Variants in TMEM132D observed in about 807,000 individuals in gnomAD.
The protein encoded by TMEM132D is mature OL transmembrane protein.
A neutral mutation model predicts 62.3 loss-of-function variants in TMEM132D; 21 were observed. That is an observed-to-expected ratio of 0.34 (90% CI 0.24 to 0.49). TMEM132D has a LOEUF of 0.49. TMEM132D is among the 20% of genes least tolerant of loss of function. The pLI, the probability that TMEM132D is intolerant of heterozygous loss-of-function variation, is 0.99. For missense variants in TMEM132D, 1,346 were observed against 1,402.8 expected (o/e 0.96, Z 0.65); for synonymous variants, 621 against 575.6 (o/e 1.08, Z -1.13).
chr12:129,784,562 A>T (rs1183719238), intron 1 of TMEM132D, among the ~76,000 whole-genome samples: 1 of 152,254 alleles, frequency 6.6e-6, no homozygotes, highest in African/African-American at 2.4e-5. Flanking sequence ...TGTGCTGGCC[A>T]TATGTATAAA....
In TMEM132D at chr12:129,420,306, G is replaced by GTTTTTTTTTTTTTTTTTTTTTT. The variant is rs71082709; in HGVS notation, c.1116-82511_1116-82490dup. ...AATTTCAAATTATTGCACGTTCTCT[G>GTTTTTTTTTTTTTTTTTTTTTT]TTTTTTTTTTTTTTTTTTTTTTTTG... On this transcript the variant is annotated intron_variant, in intron 3 of 8. Transcript: ENST00000422113. Among the ~76,000 whole-genome samples, 14 of 112,296 alleles carry GTTTTTTTTTTTTTTTTTTTTTT rather than the reference G, an allele frequency of 1.2e-4. 1 individual carries two copies. Among genetic ancestry groups the GTTTTTTTTTTTTTTTTTTTTTT allele is most frequent in the East Asian group, 7.1e-4 (2 of 2,812 alleles). 73.7% of individuals were successfully genotyped at this position (112,296 alleles called of 152,430 possible).
intron 3 of TMEM132D, among the ~76,000 whole-genome samples, chr12:129,514,321 T>C (rs956117621): frequency 6.6e-5 from 10 of 152,314 alleles, no homozygotes; most frequent in African/African-American, 2.2e-4. Context: ...AATAAACTAG[T>C]TGGAGCTGGA....
chr12:129,828,921 G>A lies in TMEM132D; in HGVS notation c.79+74340C>T, dbSNP rs1168465056. ...TCTATCCCAGAGCCATCTGCACCTT[G>A]CCTGTGAAAGAGGTGGAAGGGTATA... On this transcript the variant is annotated intron_variant, in intron 1 of 8. Transcript: ENST00000422113. Among the ~76,000 whole-genome samples, 3 of 151,732 alleles carry A rather than the reference G, an allele frequency of 2.0e-5. No individual in the cohort carries two copies. The East Asian group carries it at 5.9e-4, about 30-fold the overall frequency.
chr12:129,788,932 G>A (rs1288893074), intron 1 of TMEM132D, among the ~76,000 whole-genome samples: 2 of 152,176 alleles, frequency 1.3e-5, no homozygotes, highest in African/African-American at 4.8e-5. Flanking sequence ...GGGATGCCGT[G>A]AGTGATGGGG....
chr12:129,107,022 G>A (rs187970273), intron 5 of TMEM132D, among the ~76,000 whole-genome samples: 9 of 152,300 alleles, frequency 5.9e-5, no homozygotes, highest in Non-Finnish European at 1.3e-4. Context: ...TGAGATGGCA[G>A]GCAAGACCTT....
At chr12:129,722,962 G>C (rs1868895690) in intron 1 of TMEM132D, among the ~76,000 whole-genome samples, 1 of 151,866 alleles carries the variant, frequency 6.6e-6, no homozygotes, top group Non-Finnish European at 1.5e-5. Flanking sequence ...GGCTGGTCTT[G>C]AACTCCTGAC....
chr12:129,603,752 C>T (rs112540206), intron 2 of TMEM132D, among the ~76,000 whole-genome samples: 14,987 of 152,014 alleles, frequency 0.099, 843 homozygotes, highest in African/African-American at 0.15. Context: ...ATTGTGGAAG[C>T]CAGTGTGGCA....
At chr12:129,300,338 T>A (rs1881681784) in intron 4 of TMEM132D, among the ~76,000 whole-genome samples, 1 of 152,138 alleles carries the variant, frequency 6.6e-6, no homozygotes, top group Admixed American at 6.5e-5. Flanking sequence ...ACGTCATCAA[T>A]CTATTGAGAT....
At chr12:129,603,284 A>G (rs1593084513) in intron 2 of TMEM132D, among the ~76,000 whole-genome samples, 1 of 152,312 alleles carries the variant, frequency 6.6e-6, no homozygotes. Flanking sequence ...TGCCCTAAAA[A>G]GCCTCTGTGC....
At chr12:129,747,128 C>T (rs948871379) in intron 1 of TMEM132D, among the ~76,000 whole-genome samples, 1 of 35,516 alleles carries the variant, frequency 2.8e-5, no homozygotes, top group Non-Finnish European at 7.9e-5. Context: ...TCCTCATAAC[C>T]GCCCACAAGG....
intron 4 of TMEM132D, chr12:129,211,033 T>G (rs1879029933): frequency 6.6e-6 from 1 of 152,180 alleles, no homozygotes; most frequent in South Asian, 2.1e-4. Context: ...TAGAGAAAAC[T>G]GAGCCTCAAG....
chr12:129,618,274 A>C (rs1878974116), intron 2 of TMEM132D, among the ~76,000 whole-genome samples: 1 of 152,232 alleles, frequency 6.6e-6, no homozygotes, highest in Admixed American at 6.5e-5. Context: ...TGTTTTAGAA[A>C]ATCATAATAT....
chr12:129,321,023 C>A (rs1265527591), intron 4 of TMEM132D, among the ~76,000 whole-genome samples: 1 of 150,404 alleles, frequency 6.6e-6, no homozygotes, highest in Non-Finnish European at 1.5e-5. Flanking sequence ...GTATACATAA[C>A]ATTTATAGCT....
chr12:129,087,801 G>T (rs1284561091), intron 5 of TMEM132D, among the ~76,000 whole-genome samples: 1 of 152,204 alleles, frequency 6.6e-6, no homozygotes, highest in African/African-American at 2.4e-5. Flanking sequence ...GTTTGTTATT[G>T]CAGCTGCAGA....
At chr12:129,076,438 A>T (rs553652411) in intron 8 of TMEM132D, among the ~76,000 whole-genome samples, 1 of 152,216 alleles carries the variant, frequency 6.6e-6, no homozygotes, top group African/African-American at 2.4e-5. Flanking sequence ...CTGGCCCCTG[A>T]CCATGACAGA....
At chr12:129,892,188 A>C (rs1395669526) in intron 1 of TMEM132D, among the ~76,000 whole-genome samples, 1 of 152,174 alleles carries the variant, frequency 6.6e-6, no homozygotes, top group Non-Finnish European at 1.5e-5. Context: ...GCCACTTATA[A>C]ACTTCACAGT....
intron 1 of TMEM132D, among the ~76,000 whole-genome samples, chr12:129,809,262 C>T (rs1325520664): frequency 6.8e-6 from 1 of 147,622 alleles, no homozygotes; most frequent in African/African-American, 2.5e-5. Flanking sequence ...GAGCTGAGAT[C>T]ATGCCACTGC....
chr12:129,557,393 G>A (rs117581648), intron 2 of TMEM132D, among the ~76,000 whole-genome samples: 28 of 152,292 alleles, frequency 1.8e-4, no homozygotes, highest in Non-Finnish European at 3.7e-4. Flanking sequence ...TTTAAGGGGT[G>A]AAGAGGTACA....
intron 2 of TMEM132D, among the ~76,000 whole-genome samples, chr12:129,627,183 AG>A (rs1273474482): frequency 6.6e-6 from 1 of 152,196 alleles, no homozygotes; most frequent in Non-Finnish European, 1.5e-5. Context: ...CTCCCCAAAC[AG>A]TCATGCACTG....
Sources: gnomAD v4.1 joint callset for allele counts (sites outside exome capture counted in the v4.1 genomes callset) on GRCh38, gnomAD v4.1.1 for gene constraint, MANE v1.5 for transcripts, NCBI Gene and HGNC (gene_info 2026-07-23, HGNC 2026-07-21) for gene names.